Variants in UNC5D observed in about 807,000 individuals in gnomAD.
UNC5D encodes netrin receptor UNC5D.
Under a neutral mutation model 105.4 loss-of-function variants are expected in UNC5D, and 39 were observed. That is an observed-to-expected ratio of 0.37 (90% CI 0.29 to 0.48). UNC5D has a LOEUF of 0.48. Ranked by LOEUF, UNC5D falls within the 20% of genes least tolerant of loss-of-function variation. The pLI is 0.98. For missense variants in UNC5D, 991 were observed against 1,202.4 expected (o/e 0.82, Z 2.60); for synonymous variants, 452 against 450.4 (o/e 1.00, Z -0.04).
intron 14 of UNC5D, 113 bp from the exon 15 acceptor site, chr8:35,766,789 C>A: frequency 8.0e-7 from 1 of 1,255,036 alleles, no homozygotes; most frequent in South Asian, 2.0e-5. Context: ...TGATTGTCCT[C>A]ATCGTTGTTG....
chr8:35,774,572 A>T, intron 16 of UNC5D, 95 bp downstream of exon 16: 1 of 1,451,256 alleles, frequency 6.9e-7, no homozygotes, highest in East Asian at 2.5e-5. Flanking sequence ...GAGCCCTAAT[A>T]TTTTTATGAG....
chr8:35,648,281 C>G (rs1823179560), intron 4 of UNC5D, among the ~76,000 whole-genome samples: 1 of 152,074 alleles, frequency 6.6e-6, no homozygotes, highest in South Asian at 2.1e-4. Flanking sequence ...AACCGTTTAC[C>G]TTGCAGTAGT....
intron 3 of UNC5D, among the ~76,000 whole-genome samples, chr8:35,586,130 C>T (rs1818778337): frequency 6.6e-6 from 1 of 152,010 alleles, no homozygotes; most frequent in South Asian, 2.1e-4. Context: ...AAAAATTATC[C>T]AGGCATGGTG....
At chr8:35,638,264 A>G (rs1461982032) in intron 4 of UNC5D, among the ~76,000 whole-genome samples, 1 of 152,180 alleles carries the variant, frequency 6.6e-6, no homozygotes, top group East Asian at 1.9e-4. Context: ...GAAGGAAGGT[A>G]ATCGGAATCA....
intron 3 of UNC5D, among the ~76,000 whole-genome samples, chr8:35,571,801 G>T (rs1806299919): frequency 1.3e-5 from 2 of 152,138 alleles, no homozygotes. Flanking sequence ...TGAAATACTA[G>T]AGACATCTTA....
chr8:35,513,610 C>T (rs1268758422), intron 1 of UNC5D, among the ~76,000 whole-genome samples: 1 of 152,180 alleles, frequency 6.6e-6, no homozygotes, highest in African/African-American at 2.4e-5. Flanking sequence ...CTTTATTTTT[C>T]CCTACAGCAC....
chr8:35,729,998 T>C (rs1829099614), intron 10 of UNC5D, among the ~76,000 whole-genome samples: 1 of 152,216 alleles, frequency 6.6e-6, no homozygotes, highest in Non-Finnish European at 1.5e-5. Context: ...GACTGCCATC[T>C]CTAGATTTAA....
rs528788389 is a variant in UNC5D at position 35,286,902 on chromosome 8, G to A, written c.103+51015G>A. On this transcript the variant is annotated intron_variant, in intron 1 of 16. Coordinates refer to ENST00000404895, the MANE Select transcript of UNC5D (RefSeq NM_080872.4). ...TACAGGTTCCAAACAACAGAGCCAG[G>A]GAAGACAACTTGCAACTCTACCTAA... Among the ~76,000 whole-genome samples the A allele has an allele frequency of 2.0e-5, 3 of 152,274 alleles. No individual in the cohort carries two copies. In the South Asian group the frequency reaches 6.2e-4, roughly 32 times the overall value.
chr8:35,739,426 C>T (rs943237773), intron 11 of UNC5D, among the ~76,000 whole-genome samples: 1 of 152,140 alleles, frequency 6.6e-6, no homozygotes, highest in African/African-American at 2.4e-5. Context: ...TGTTCCTCTC[C>T]ACCTCAAACC....
chr8:35,608,561 C>T (rs766413707), intron 4 of UNC5D, among the ~76,000 whole-genome samples: 2 of 152,178 alleles, frequency 1.3e-5, no homozygotes, highest in Non-Finnish European at 2.9e-5. Flanking sequence ...ATCCCCTCCT[C>T]TTCCTGGTTT....
rs1817497328 is a variant in UNC5D, at chr8:35,568,348, G to A, written c.466+107G>A. 16 of 1,425,954 alleles carry A rather than the reference G, an allele frequency of 1.1e-5. No individual in the cohort carries two copies. The East Asian group carries it at 3.5e-4, about 31-fold the overall frequency. The allele number at this position is 1,425,954 out of a possible 1,614,324, so 88.3% of individuals were successfully genotyped here. ...AGATGCTTCTACAGAATGTAAATGA[G>A]AGGTCTTAAATTTACTCTTCTAAAA... is the stretch of plus-strand genomic sequence containing the variant. On this transcript the variant is annotated intron_variant, in intron 3 of 16. Coordinates refer to ENST00000404895, the MANE Select transcript of UNC5D (RefSeq NM_080872.4).
At chr8:35,571,704 T>G (rs1397952255) in intron 3 of UNC5D, among the ~76,000 whole-genome samples, 1 of 152,222 alleles carries the variant, frequency 6.6e-6, no homozygotes, top group Non-Finnish European at 1.5e-5. Context: ...AGTGACACAC[T>G]GTGTGTGAGG....
Position 35,671,924 on chromosome 8 carries a change from C to G in UNC5D, c.571-11623C>G, listed in dbSNP as rs115184916. On this transcript the variant is annotated intron_variant, in intron 4 of 16. Transcript: ENST00000404895. The stretch of plus-strand genomic sequence containing the variant: ...CGATAATTACCTTCTATAATTGGAA[C>G]AAATTTATAATTTATGCTAATTCAT... Among the ~76,000 whole-genome samples, 1,104 of 152,168 alleles carry G rather than the reference C, an allele frequency of 7.3e-3. 8 individuals carry two copies. Among genetic ancestry groups the G allele is most frequent in the African/African-American group, 0.026 (1,070 of 41,532 alleles).
intron 1 of UNC5D, among the ~76,000 whole-genome samples, chr8:35,477,053 C>T (rs1413222404): frequency 6.6e-6 from 1 of 152,168 alleles, no homozygotes; most frequent in African/African-American, 2.4e-5. Context: ...CAGGCAGCCC[C>T]CTTGTAGGTC....
At chr8:35,525,840 A>C in intron 1 of UNC5D, 1 of 1,355,444 alleles carries the variant, frequency 7.4e-7, no homozygotes, top group Non-Finnish European at 9.9e-7. Flanking sequence ...GTTACTTCAA[A>C]GGCATTTAGT....
intron 4 of UNC5D, among the ~76,000 whole-genome samples, chr8:35,680,054 A>G (rs1348473099): frequency 6.6e-6 from 1 of 152,158 alleles, no homozygotes; most frequent in East Asian, 1.9e-4. Context: ...CCATTAATTC[A>G]TTAATCCATT....
At chr8:35,439,129 C>T (rs1391395467) in intron 1 of UNC5D, among the ~76,000 whole-genome samples, 3 of 151,792 alleles carry the variant, frequency 2.0e-5, no homozygotes, top group Non-Finnish European at 4.4e-5. Context: ...AATGCCTATG[C>T]CACAGATTGC....
intron 1 of UNC5D, among the ~76,000 whole-genome samples, chr8:35,487,417 T>C (rs994728728): frequency 6.6e-6 from 1 of 152,200 alleles, no homozygotes; most frequent in African/African-American, 2.4e-5. Flanking sequence ...GCAGGAATTC[T>C]GCCAGCTGAC....
At chr8:35,697,157 ACAC>A (rs1175588846) in intron 7 of UNC5D, among the ~76,000 whole-genome samples, 4 of 152,000 alleles carry the variant, frequency 2.6e-5, no homozygotes, top group East Asian at 1.9e-4. Flanking sequence ...ACACACACAC[ACAC>A]AACATAAGCA....
Sources: allele counts gnomAD v4.1 joint callset (sites outside exome capture counted in the v4.1 genomes callset), GRCh38; gene constraint gnomAD v4.1.1; transcripts MANE v1.5; gene names NCBI Gene and HGNC (gene_info 2026-07-23, HGNC 2026-07-21).